The following KATNBL1 variants were observed in gnomAD, a reference collection of about 807,000 sequenced individuals.
KATNBL1 encodes the protein katanin regulatory subunit B1 like 1, also known as KATNB1-like protein 1.
KATNBL1 carries 28 observed loss-of-function variants against 44.7 expected under a neutral mutation model. The observed-to-expected ratio is 0.63, with a 90% CI of 0.46 to 0.86. KATNBL1 has a LOEUF of 0.86. Ranked by LOEUF, KATNBL1 falls within the 40% of genes least tolerant of loss-of-function variation. The pLI is 0.00. For synonymous variants in KATNBL1, 78 were observed against 114.9 expected, an observed-to-expected ratio of 0.68 and a Z score of 2.06; for missense variants, 272 against 350.7, an observed-to-expected ratio of 0.78 and a Z score of 1.79.
chr15:34,156,350 T>C (rs1437183976), intron 2 of KATNBL1, among the ~76,000 whole-genome samples: 1 of 152,140 alleles, frequency 6.6e-6, no homozygotes, highest in African/African-American at 2.4e-5. Context: ...TGTGGAATCC[T>C]GGAAAAAGAG....
chr15:34,163,658 T>G lies in KATNBL1; in HGVS notation c.19A>C (p.Asn7His). ...TTACAAAAGTTCCGTTTTTTAACATTGTGGGTTTCTGATGCCATAATCTCT... is the reference window on the plus strand; with the variant it reads ...TTACAAAAGTTCCGTTTTTTAACATGGTGGGTTTCTGATGCCATAATCTCT... MASETH[N>H]VKKRNFCNKI... Residue 7 changes from asparagine to histidine, a missense_variant, in exon 2 of 10, where the codon AAT becomes CAT. Transcript: ENST00000256544. The G allele has an allele frequency of 6.3e-7, 1 of 1,585,104 alleles. No homozygotes were observed. The highest frequency in any genetic ancestry group is 1.2e-5 in the South Asian group (1 of 85,546).
chr15:34,161,172 G>A (rs191859252), intron 2 of KATNBL1, among the ~76,000 whole-genome samples: 6 of 152,196 alleles, frequency 3.9e-5, no homozygotes, highest in Admixed American at 2.0e-4. Flanking sequence ...AAGATACCCC[G>A]ACCACCAAGG....
intron 1 of KATNBL1, among the ~76,000 whole-genome samples, chr15:34,190,783 C>CA (rs1317481605): frequency 2.0e-5 from 3 of 151,534 alleles, no homozygotes; most frequent in East Asian, 3.9e-4. Context: ...ATATTCTTGC[C>CA]AAAAAAAATC....
At chr15:34,144,173 C>T (rs201267959) in intron 9 of KATNBL1, among the ~76,000 whole-genome samples, 1 of 151,514 alleles carries the variant, frequency 6.6e-6, no homozygotes, top group Non-Finnish European at 1.5e-5. Flanking sequence ...TGGTTGGTCA[C>T]TGTTGGTATC....
chr15:34,147,891 G>A (rs1313838920), intron 5 of KATNBL1, among the ~76,000 whole-genome samples: 3 of 151,868 alleles, frequency 2.0e-5, no homozygotes, highest in Admixed American at 6.6e-5. Flanking sequence ...TTTAAGAAAC[G>A]GGTCTCATTC....
chr15:34,198,493 T>C (rs1344147162), intron 1 of KATNBL1, among the ~76,000 whole-genome samples: 4 of 152,192 alleles, frequency 2.6e-5, no homozygotes, highest in Admixed American at 1.3e-4. Flanking sequence ...ATATTTAGAG[T>C]CATTTTACAG....
chr15:34,184,166 C>T (rs980664021), intron 1 of KATNBL1, among the ~76,000 whole-genome samples: 1 of 152,070 alleles, frequency 6.6e-6, no homozygotes, highest in Non-Finnish European at 1.5e-5. Flanking sequence ...ATTAGCCAGG[C>T]GTGGTGGCGG....
At chr15:34,193,173 C>T (rs1889927416) in intron 1 of KATNBL1, among the ~76,000 whole-genome samples, 3 of 143,760 alleles carry the variant, frequency 2.1e-5, no homozygotes, top group Non-Finnish European at 3.0e-5. Context: ...ACCGAGATCG[C>T]GCCACTGCAC....
chr15:34,175,113 AACACACACACACACAC>A (rs71119940), intron 1 of KATNBL1, among the ~76,000 whole-genome samples: 9 of 143,660 alleles, frequency 6.3e-5, no homozygotes, highest in African/African-American at 7.8e-5. Flanking sequence ...TAAAATAAGC[AACACACACACACACAC>A]ACACACACAC....
At chr15:34,174,653 A>G (rs1201348500) in intron 1 of KATNBL1, among the ~76,000 whole-genome samples, 1 of 152,110 alleles carries the variant, frequency 6.6e-6, no homozygotes, top group Non-Finnish European at 1.5e-5. Context: ...AAAAAGTATC[A>G]TGCAAATACT....
rs559816393 is a variant in KATNBL1, at chr15:34,169,359, G to C, written c.-14-5669C>G. On this transcript the variant is annotated intron_variant, in intron 1 of 9. Transcript: ENST00000256544. Reference sequence around the variant, plus strand: ...ATCTAGAAGAAATGGATAAATTCCTGGATACGTACACCCTCCCAAGACTAA... The same window carrying C: ...ATCTAGAAGAAATGGATAAATTCCTCGATACGTACACCCTCCCAAGACTAA... 1.3e-4 allele frequency among the ~76,000 whole-genome samples: 20 copies of C among 152,224 alleles called. No homozygotes were observed. In the East Asian group the frequency reaches 3.5e-3, roughly 26 times the overall value.
At chr15:34,192,298 G>A (rs561814063) in intron 1 of KATNBL1, among the ~76,000 whole-genome samples, 19 of 151,992 alleles carry the variant, frequency 1.3e-4, no homozygotes, top group African/African-American at 4.3e-4. Context: ...CTGCTACTCA[G>A]GAGGCTGAAG....
chr15:34,208,009 T>C (rs1445587272), intron 1 of KATNBL1, among the ~76,000 whole-genome samples: 1 of 152,250 alleles, frequency 6.6e-6, no homozygotes, highest in Non-Finnish European at 1.5e-5. Flanking sequence ...AAGAGTGTCA[T>C]ATATATTTTT....
chr15:34,205,652 T>C (rs1173225850), intron 1 of KATNBL1, among the ~76,000 whole-genome samples: 2 of 152,122 alleles, frequency 1.3e-5, no homozygotes, highest in African/African-American at 4.8e-5. Flanking sequence ...TCTGGTTGGT[T>C]TGCATTTTGA....
At chr15:34,173,370 T>A (rs535484503) in intron 1 of KATNBL1, among the ~76,000 whole-genome samples, 347 of 152,130 alleles carry the variant, frequency 2.3e-3, no homozygotes, top group East Asian at 2.7e-3. Flanking sequence ...AAAAAATAAA[T>A]CCTAAAATCC....
At chr15:34,163,436 A>T in intron 2 of KATNBL1, 124 bp downstream of exon 2, 8 of 1,138,786 alleles carry the variant, frequency 7.0e-6, no homozygotes, top group Non-Finnish European at 9.8e-6. Flanking sequence ...TCACCAATTC[A>T]ACTTAATTCT....
chr15:34,209,056 T>C (rs927743873), intron 1 of KATNBL1: 16 of 152,198 alleles, frequency 1.1e-4, no homozygotes, highest in African/African-American at 3.6e-4. Context: ...AAAATAAATA[T>C]TGCCCATCAT....
Position 34,146,845 on chromosome 15 carries a change from A to C in KATNBL1, c.704T>G (p.Val235Gly), listed in dbSNP as rs1017000538. Residue 235 changes from valine to glycine, a missense_variant, in exon 8 of 10, where the codon GTT becomes GGT. Val to Gly is a moderately radical substitution (Grantham distance 109). Transcript: ENST00000256544. ...TTGAAGCCAGTTTAAACCAACTATA[A>C]CATATCTGAAATGACATTTTGTTAC... is the stretch of plus-strand genomic sequence containing the variant. ...SLLKSKFEEYVIVGLNWLQAV... is the reference protein window; with the variant it reads ...SLLKSKFEEYGIVGLNWLQAV... 1.3e-6 allele frequency: 2 copies of C among 1,582,158 alleles called. No homozygotes were observed. Among genetic ancestry groups the C allele is most frequent in the African/African-American group, 2.7e-5 (2 of 74,392 alleles).
intron 2 of KATNBL1, among the ~76,000 whole-genome samples, chr15:34,161,446 T>C (rs1888803504): frequency 6.6e-6 from 1 of 152,258 alleles, no homozygotes; most frequent in African/African-American, 2.4e-5. Flanking sequence ...CCCAAATTTG[T>C]TAGAAACAAA....
Sources: allele counts gnomAD v4.1 joint callset (sites outside exome capture counted in the v4.1 genomes callset), GRCh38; gene constraint gnomAD v4.1.1; transcripts MANE v1.5; gene names NCBI Gene and HGNC (gene_info 2026-07-23, HGNC 2026-07-21).